The following CRACR2A variants were observed in gnomAD, a reference collection of about 807,000 sequenced individuals.
CRACR2A encodes EF-hand calcium-binding domain-containing protein 4B.
CRACR2A carries 79 observed loss-of-function variants against 90.5 expected under a neutral mutation model. The observed-to-expected ratio is 0.87, with a 90% confidence interval of 0.73 to 1.05. CRACR2A has a LOEUF of 1.05. Among genes scored for constraint, CRACR2A ranks in the 50% least tolerant of loss-of-function variants. The pLI is 0.00. For synonymous variants in CRACR2A, 338 were observed against 356.7 expected (o/e 0.95, Z 0.59); for missense variants, 823 against 897.2 (o/e 0.92, Z 1.06).
At chr12:3,686,552 C>T (rs891955230) in intron 4 of CRACR2A, among the ~76,000 whole-genome samples, 9 of 152,128 alleles carry the variant, frequency 5.9e-5, no homozygotes, top group Non-Finnish European at 1.5e-5. Context: ...TAGGTTTTCT[C>T]AGAGAGATCT....
chr12:3,622,389 GTC>G lies in CRACR2A; in HGVS notation c.1933-3019_1933-3018del, dbSNP rs146388761. On this transcript the variant is annotated intron_variant, in intron 17 of 19. Coordinates refer to ENST00000440314, the MANE Select transcript of CRACR2A (RefSeq NM_001144958.2). ...CATCTGAGTCTCTCCTCTTTTCTGT[GTC>G]TCTCTGTTCCAAAGCCAGGTTCTGT... 2.3e-3 allele frequency among the ~76,000 whole-genome samples: 349 copies of G among 152,282 alleles called. 3 individuals are homozygous for G. Among genetic ancestry groups the G allele is most frequent in the African/African-American group, 8.0e-3 (333 of 41,546 alleles).
At chr12:3,642,716 G>T (rs945249303) in intron 12 of CRACR2A, among the ~76,000 whole-genome samples, 4 of 152,150 alleles carry the variant, frequency 2.6e-5, no homozygotes, top group Non-Finnish European at 5.9e-5. Context: ...AAGTAGGCTG[G>T]GTGTAGATAA....
At chr12:3,752,870 C>T (rs183895760) in intron 1 of CRACR2A, 145 bp downstream of exon 1, 1 of 152,360 alleles carries the variant, frequency 6.6e-6, no homozygotes, top group Admixed American at 6.5e-5. Context: ...CTGTTCCCCC[C>T]CAAGGGCACA....
In CRACR2A at chr12:3,638,158, C is replaced by T. The variant is rs532414144; in HGVS notation, c.1568G>A (p.Arg523Gln). The T allele has an allele frequency of 2.8e-5, 44 of 1,549,348 alleles. No homozygotes were observed. In the East Asian group the frequency reaches 3.7e-4, roughly 13 times the overall value. The change falls in exon 14 of 20, where the codon CGA becomes CAA. Residue 523 changes from arginine to glutamine, a missense_variant. Coordinates refer to ENST00000440314, the MANE Select transcript of CRACR2A (RefSeq NM_001144958.2). ...PPLKLTPTSPRGQPVGKEALC... is the reference protein window; with the variant it reads ...PPLKLTPTSPQGQPVGKEALC... ...GGCTTCTTTTCCAACAGGCTGCCCTCGGGGGGATGTGGGGGTGAGTTTCAA... is the reference window on the plus strand; with the variant it reads ...GGCTTCTTTTCCAACAGGCTGCCCTTGGGGGGATGTGGGGGTGAGTTTCAA...
chr12:3,703,920 T>C (rs1444151060), intron 3 of CRACR2A, among the ~76,000 whole-genome samples: 1 of 152,248 alleles, frequency 6.6e-6, no homozygotes, highest in African/African-American at 2.4e-5. Flanking sequence ...GAAGATTGAC[T>C]GTACCAACTC....
chr12:3,618,436 C>T (rs1364625163), intron 18 of CRACR2A, among the ~76,000 whole-genome samples: 1 of 152,170 alleles, frequency 6.6e-6, no homozygotes, highest in Admixed American at 6.5e-5. Flanking sequence ...AGATAAAATA[C>T]AAAACAACCC....
chr12:3,621,219 G>A (rs1448220979), intron 17 of CRACR2A, among the ~76,000 whole-genome samples: 4 of 152,084 alleles, frequency 2.6e-5, no homozygotes, highest in African/African-American at 9.7e-5. Context: ...CCAGGTTTTG[G>A]TATTATTTGG....
intron 3 of CRACR2A, among the ~76,000 whole-genome samples, chr12:3,702,343 G>A (rs984685369): frequency 6.6e-6 from 1 of 152,082 alleles, no homozygotes; most frequent in Non-Finnish European, 1.5e-5. Context: ...CATTCAGATT[G>A]GAAAGGAAAA....
chr12:3,703,952 T>G (rs1471863557), intron 3 of CRACR2A, among the ~76,000 whole-genome samples: 2 of 152,238 alleles, frequency 1.3e-5, no homozygotes, highest in African/African-American at 4.8e-5. Context: ...GTGGAGCACC[T>G]GGAACTCTCA....
chr12:3,622,758 G>A (rs943285305), intron 17 of CRACR2A, among the ~76,000 whole-genome samples: 7 of 151,846 alleles, frequency 4.6e-5, no homozygotes, highest in African/African-American at 1.7e-4. Flanking sequence ...ATTAAAGCAT[G>A]CAGTTATGCT....
rs773668835 is a variant in CRACR2A at position 3,713,317 on chromosome 12, C to G, written c.-117G>C. On this transcript the variant is annotated splice_region_variant and 5_prime_UTR_variant, in exon 3 of 20. Coordinates refer to ENST00000440314, the MANE Select transcript of CRACR2A (RefSeq NM_001144958.2). ...TTGGCCACTGGTGACTTGAATTCCA[C>G]CTAGGAAACACACAAGAGATGAATC... 180 of 984,916 alleles carry G rather than the reference C, an allele frequency of 1.8e-4. No homozygotes were observed. Among genetic ancestry groups the G allele is most frequent in the Non-Finnish European group, 2.1e-4 (173 of 829,738 alleles). The allele number at this position is 984,916 out of a possible 1,614,324, so 61.0% of individuals were successfully genotyped here. A position where few individuals can be genotyped will look rare whatever the true frequency, so the allele number is the denominator to read the frequency against.
intron 15 of CRACR2A, among the ~76,000 whole-genome samples, chr12:3,630,690 G>C (rs1489832193): frequency 6.6e-6 from 1 of 152,200 alleles, no homozygotes; most frequent in Non-Finnish European, 1.5e-5. Flanking sequence ...CCATTCCCAA[G>C]GTTCCTTCCA....
In CRACR2A at chr12:3,746,618, TC is replaced by T. The variant is rs1946631161; in HGVS notation, c.-387+6396del. ...TGTTCTGTCTGCCAGAACAAAGACA[TC>T]CCCTCAAAGGGAGTATGCATGCCTA... On this transcript the variant is annotated intron_variant, in intron 1 of 19. Transcript: ENST00000440314. The surrounding 1 kb of genome is among the most constrained non-coding windows in gnomAD (Gnocchi z 4.4). 6.6e-6 allele frequency among the ~76,000 whole-genome samples: 1 copy of T among 152,196 alleles called. No homozygotes were observed.
intron 4 of CRACR2A, among the ~76,000 whole-genome samples, chr12:3,682,700 G>A (rs201728662): frequency 9.9e-5 from 15 of 151,984 alleles, no homozygotes; most frequent in South Asian, 2.1e-4. Context: ...CTTATTTATC[G>A]CTCTGCTCAG....
At chr12:3,674,720 A>G (rs974421881) in intron 6 of CRACR2A, among the ~76,000 whole-genome samples, 9 of 152,212 alleles carry the variant, frequency 5.9e-5, no homozygotes, top group African/African-American at 2.2e-4. Flanking sequence ...GCAAACAATC[A>G]GGCTTTTGAT....
intron 15 of CRACR2A, among the ~76,000 whole-genome samples, chr12:3,629,848 AG>A (rs56031844): frequency 0.094 from 8,416 of 89,532 alleles, 180 homozygotes; most frequent in Middle Eastern, 0.17. Flanking sequence ...GGAAAAGACA[AG>A]GGGGGGGGGG....
intron 12 of CRACR2A, among the ~76,000 whole-genome samples, chr12:3,642,507 G>A (rs915300153): frequency 1.2e-4 from 19 of 152,150 alleles, no homozygotes; most frequent in African/African-American, 4.6e-4. Context: ...GAGCCACCAC[G>A]CCTGGTCAGA....
Position 3,615,453 on chromosome 12 carries a change from A to G in CRACR2A, c.2112-14T>C. 1 of 1,544,454 alleles carries G rather than the reference A, an allele frequency of 6.5e-7. No individual in the cohort carries two copies. Among genetic ancestry groups the G allele is most frequent in the Non-Finnish European group, 8.8e-7 (1 of 1,142,628 alleles). ...TCCTTGAGGAACCTGGGAGAGGGGA[A>G]GAGATCGTGTCAGTGATGGAGAAGT... On this transcript the variant is annotated splice_polypyrimidine_tract_variant and intron_variant, in intron 19 of 19. Transcript: ENST00000440314.
chr12:3,747,688 T>C (rs1946646959), intron 1 of CRACR2A, among the ~76,000 whole-genome samples: 1 of 152,206 alleles, frequency 6.6e-6, no homozygotes, highest in Non-Finnish European at 1.5e-5. Context: ...CGTCCCCTGG[T>C]GCTGCTGTGA....
Sources: gnomAD v4.1 joint callset for allele counts (sites outside exome capture counted in the v4.1 genomes callset) on GRCh38, gnomAD v4.1.1 for gene constraint, Gnocchi (gnomAD v3.1) non-coding constraint, MANE v1.5 for transcripts, NCBI Gene and HGNC (gene_info 2026-07-23, HGNC 2026-07-21) for gene names.